Variants in DHX30 observed in about 807,000 individuals in gnomAD.
The protein encoded by DHX30 is DExH-box helicase 30, also known as ATP-dependent RNA helicase DHX30.
In DHX30, 4 loss-of-function variants were observed where a neutral mutation model predicts 116.9. The ratio of observed to expected loss-of-function variants is 0.03; its 90% CI spans 0.02 to 0.08. The LOEUF is 0.08. DHX30 is among the 10% of genes least tolerant of loss of function. The probability of loss-of-function intolerance (pLI) is 1.00; values close to 1 mark genes in which losing one functional copy is unlikely to be tolerated. For synonymous variants in DHX30, 697 were observed against 651.7 expected, an observed-to-expected ratio of 1.07 and a Z score of -1.06; for missense variants, 871 against 1,595.1, an observed-to-expected ratio of 0.55 and a Z score of 7.73.
Position 47,827,418 on chromosome 3 carries a change from G to A in DHX30, c.196G>A (p.Gly66Ser). 6.2e-7 allele frequency: 1 copy of A among 1,613,898 alleles called. No individual in the cohort carries two copies. Among genetic ancestry groups the A allele is most frequent in the Non-Finnish European group, 8.5e-7 (1 of 1,179,936 alleles). Reference sequence around the variant, plus strand: ...CAACAGTGTGATTGGAAGAGCCCTCGGCATCTCACATGCAAAAGACAAACT... The same window carrying A: ...CAACAGTGTGATTGGAAGAGCCCTCAGCATCTCACATGCAAAAGACAAACT... Reference protein sequence around the residue: ...LLNSVIGRALGISHAKDKLVY... With the variant: ...LLNSVIGRALSISHAKDKLVY... Residue 66 changes from glycine to serine, a missense_variant, in exon 5 of 22, where the codon GGC (glycine) becomes AGC (serine). Around this residue, in one of 13 missense-constraint regions of DHX30, gnomAD observed 66 missense variants for 153.9 expected, o/e 0.43. Coordinates refer to ENST00000445061, the MANE Select transcript of DHX30 (RefSeq NM_138615.3).
At chr3:47,820,189 C>A (rs1362140248) in intron 4 of DHX30, among the ~76,000 whole-genome samples, 3 of 152,174 alleles carry the variant, frequency 2.0e-5, no homozygotes, top group Non-Finnish European at 4.4e-5. Context: ...TGGTGCATGC[C>A]TGTAATCCCA....
Position 47,841,150 on chromosome 3 carries a change from G to C in DHX30, c.640G>C (p.Asp214His). 1 of 1,614,070 alleles carries C rather than the reference G, an allele frequency of 6.2e-7. No individual in the cohort carries two copies. Among genetic ancestry groups the C allele is most frequent in the East Asian group, 2.2e-5 (1 of 44,892 alleles). ...CGACTTCTTGTCCATGACCCAGCAG[G>C]ATTCCCACGCTCCACTCAGGGACTC... ...VTDFLSMTQQDSHAPLRDSRG... is the reference protein window; with the variant it reads ...VTDFLSMTQQHSHAPLRDSRG... The change falls in exon 7 of 22, where the codon GAT becomes CAT. Residue 214 changes from aspartate (D) to histidine (H), a missense_variant. This residue lies in a region of DHX30 where 109 missense variants were observed against 118.8 expected (regional missense o/e 0.92). Transcript: ENST00000445061.
chr3:47,839,798 C>T (rs539988012), intron 6 of DHX30, among the ~76,000 whole-genome samples: 1 of 152,010 alleles, frequency 6.6e-6, no homozygotes, highest in South Asian at 2.1e-4. Flanking sequence ...GTCTCAGCCC[C>T]CTGAGTAGCT....
chr3:47,848,853 C>T lies in DHX30; in HGVS notation c.2769+36C>T, dbSNP rs1458062541. 1.2e-6 allele frequency: 2 copies of T among 1,601,066 alleles called. No individual in the cohort carries two copies. Among genetic ancestry groups the T allele is most frequent in the African/African-American group, 1.3e-5 (1 of 74,816 alleles). ...GCTCCTTCCTGGAGCCGTCCACCCA[C>T]TGCTGTTCTGAGGGGGCGTTGTCTA... On this transcript the variant is annotated intron_variant, in intron 17 of 21. Transcript: ENST00000445061. This position sits in a 1 kb window ranked among gnomAD's most constrained non-coding sequence, Gnocchi z 9.4.
At chr3:47,819,720 C>T (rs1202307877) in intron 4 of DHX30, among the ~76,000 whole-genome samples, 3 of 152,158 alleles carry the variant, frequency 2.0e-5, no homozygotes, top group African/African-American at 7.2e-5. Flanking sequence ...ATATTGATCA[C>T]AGTACTCAGC....
intron 4 of DHX30, among the ~76,000 whole-genome samples, chr3:47,825,742 A>G (rs910488641): frequency 2.0e-5 from 3 of 152,142 alleles, no homozygotes; most frequent in East Asian, 1.9e-4. Context: ...CCAACCTTAT[A>G]GAGCTGAAGG....
At chr3:47,825,741 T>C (rs1360586897) in intron 4 of DHX30, among the ~76,000 whole-genome samples, 1 of 152,106 alleles carries the variant, frequency 6.6e-6, no homozygotes, top group African/African-American at 2.4e-5. Flanking sequence ...ACCAACCTTA[T>C]AGAGCTGAAG....
intron 18 of DHX30, 28 bp from the exon 19 acceptor site, chr3:47,849,164 A>C: frequency 6.2e-7 from 1 of 1,613,516 alleles, no homozygotes; most frequent in Non-Finnish European, 8.5e-7. Flanking sequence ...TAGGGGCTGT[A>C]GGTCCACCAC....
At chr3:47,825,290 C>T (rs2036501757) in intron 4 of DHX30, 5 of 553,542 alleles carry the variant, frequency 9.0e-6, no homozygotes. Context: ...GCGCCCTTGA[C>T]TCCTGGGATG....
chr3:47,817,900 A>G (rs2036129944), intron 3 of DHX30, 122 bp from the exon 4 acceptor site: 1 of 770,004 alleles, frequency 1.3e-6, no homozygotes, highest in East Asian at 2.4e-5. Flanking sequence ...GGCTGCTCCC[A>G]GCACTGTCCA....
chr3:47,849,910 G>C lies in DHX30; in HGVS notation c.3375G>C (p.Leu1125=). The C allele has an allele frequency of 6.2e-7, 1 of 1,613,526 alleles. No homozygotes were observed. The highest frequency in any genetic ancestry group is 1.1e-5 in the South Asian group (1 of 91,028). The change falls in exon 22 of 22, where the codon CTG becomes CTC. Residue 1125 remains leucine, a synonymous_variant. Coordinates refer to ENST00000445061, the MANE Select transcript of DHX30 (RefSeq NM_138615.3). ...RATISLSDSD[L]LRLEGDSRTV... is the part of the protein sequence containing the mutation. ...CCATCTCACTGAGCGACAGTGACCT[G>C]CTGCGGCTGGAGGGTGACTCGCGTA...
At chr3:47,817,769 G>T (rs9812315) in intron 3 of DHX30, among the ~76,000 whole-genome samples, 5 of 152,298 alleles carry the variant, frequency 3.3e-5, no homozygotes, top group Middle Eastern at 3.4e-3. Context: ...AACCTCATAG[G>T]GGGTAGCTAA....
At chr3:47,845,226 C>T (rs142249849) in intron 9 of DHX30, among the ~76,000 whole-genome samples, 341 of 152,236 alleles carry the variant, frequency 2.2e-3, no homozygotes, top group African/African-American at 7.8e-3. Flanking sequence ...CTCGCTCTGT[C>T]GCCCAGGCTG....
chr3:47,811,206 G>C (rs368625437), intron 3 of DHX30, among the ~76,000 whole-genome samples: 1 of 151,720 alleles, frequency 6.6e-6, no homozygotes, highest in Non-Finnish European at 1.5e-5. Context: ...CACCCACCTC[G>C]GCCTCCCAAA....
At position 47,848,616 on chromosome 3, in the gene DHX30, C is replaced by T. The variant is rs752265346; in HGVS notation, c.2576-8C>T. 59 of 1,614,010 alleles carry T rather than the reference C, an allele frequency of 3.7e-5. No homozygotes were observed. The East Asian group carries it at 5.8e-4, about 16-fold the overall frequency. Reference sequence around the variant, plus strand: ...TCGAGGGTGGTACTGACAGCTGAGCCGTTGCAGGGGTGCTGGACCAGCGGG... The same window carrying T: ...TCGAGGGTGGTACTGACAGCTGAGCTGTTGCAGGGGTGCTGGACCAGCGGG... On this transcript the variant is annotated splice_polypyrimidine_tract_variant and splice_region_variant and intron_variant, in intron 16 of 21. Coordinates refer to ENST00000445061, the MANE Select transcript of DHX30 (RefSeq NM_138615.3). This position sits in a 1 kb window ranked among gnomAD's most constrained non-coding sequence, Gnocchi z 9.4.
At position 47,828,598 on chromosome 3, in the gene DHX30, C is replaced by T. The variant is rs140171569; in HGVS notation, c.256-426C>T. On this transcript the variant is annotated intron_variant, in intron 5 of 21. Coordinates refer to ENST00000445061, the MANE Select transcript of DHX30 (RefSeq NM_138615.3). ...CATCCTGGCTAACATAGTGAAATCC[C>T]GTCTCTACTAAAAGTACAAAAAATT... 3.9e-3 allele frequency among the ~76,000 whole-genome samples: 595 copies of T among 152,020 alleles called. 4 individuals are homozygous for T. Among genetic ancestry groups the T allele is most frequent in the African/African-American group, 0.013 (537 of 41,466 alleles).
chr3:47,811,200 C>T (rs1345283789), intron 3 of DHX30, among the ~76,000 whole-genome samples: 1 of 151,948 alleles, frequency 6.6e-6, no homozygotes, highest in Non-Finnish European at 1.5e-5. Flanking sequence ...GTGATCCACC[C>T]ACCTCGGCCT....
intron 4 of DHX30, among the ~76,000 whole-genome samples, chr3:47,821,231 C>T (rs2036285209): frequency 6.6e-6 from 1 of 152,152 alleles, no homozygotes; most frequent in African/African-American, 2.4e-5. Flanking sequence ...GCTGGGATTA[C>T]AGGCATGAGC....
At chr3:47,819,314 G>A (rs1464417891) in intron 4 of DHX30, 3 of 1,361,264 alleles carry the variant, frequency 2.2e-6, no homozygotes, top group South Asian at 2.3e-5. Flanking sequence ...CTTGAAGACG[G>A]TTAGTCGGGG....
Sources: allele counts gnomAD v4.1 joint callset (sites outside exome capture counted in the v4.1 genomes callset), GRCh38; gene constraint gnomAD v4.1.1; regional missense constraint gnomAD v4.1.1; non-coding constraint Gnocchi (gnomAD v3.1); transcripts MANE v1.5; gene names NCBI Gene and HGNC (gene_info 2026-07-23, HGNC 2026-07-21).